The following TMEM132C variants were observed in gnomAD, a reference collection of about 807,000 sequenced individuals.
The protein encoded by TMEM132C is protein phosphatase 1, regulatory subunit 152.
A neutral mutation model predicts 61.4 loss-of-function variants in TMEM132C; 29 were observed. The observed-to-expected ratio is 0.47, with a 90% CI of 0.35 to 0.64. The LOEUF is 0.64. TMEM132C is among the 30% of genes least tolerant of loss of function. The pLI is 0.00. For synonymous variants in TMEM132C, 656 were observed against 633.1 expected, an observed-to-expected ratio of 1.04 and a Z score of -0.54; for missense variants, 1,408 against 1,476.9, an observed-to-expected ratio of 0.95 and a Z score of 0.76.
chr12:128,531,632 ACTTCT>A (rs1464190550), intron 2 of TMEM132C, among the ~76,000 whole-genome samples: 2 of 152,208 alleles, frequency 1.3e-5, no homozygotes, highest in African/African-American at 4.8e-5. Flanking sequence ...CATACACATG[ACTTCT>A]CTTAGGAAGT....
chr12:128,640,517 TG>T (rs1031909826), intron 4 of TMEM132C, among the ~76,000 whole-genome samples: 4 of 152,080 alleles, frequency 2.6e-5, no homozygotes, highest in Admixed American at 6.5e-5. Context: ...GAGTTTCTTT[TG>T]GGGGTGATGA....
chr12:128,498,666 A>G (rs1032227297), intron 2 of TMEM132C, among the ~76,000 whole-genome samples: 1 of 152,114 alleles, frequency 6.6e-6, no homozygotes, highest in African/African-American at 2.4e-5. Context: ...CAGAGACTCC[A>G]TCTCAAAAAG....
chr12:128,546,674 C>G (rs192329937), intron 3 of TMEM132C, among the ~76,000 whole-genome samples: 206 of 152,256 alleles, frequency 1.4e-3, no homozygotes, highest in African/African-American at 4.6e-3. Context: ...GATGGTTAGA[C>G]CCCAGAAATG....
intron 2 of TMEM132C, among the ~76,000 whole-genome samples, chr12:128,521,052 C>A (rs986704265): frequency 6.6e-6 from 1 of 152,082 alleles, no homozygotes; most frequent in African/African-American, 2.4e-5. Context: ...AACTGTCAAG[C>A]CACCCTTCGC....
At position 128,581,881 on chromosome 12, in the gene TMEM132C, G is replaced by A. The variant is rs34740489; in HGVS notation, c.1122-34271G>A. On this transcript the variant is annotated intron_variant, in intron 3 of 8. Transcript: ENST00000435159. Reference sequence around the variant, plus strand: ...AGAAAAGGTTGAGAAAAATTGAGTTGTGTACTGAGGGGGTGCAGGCTGCCA... The same window carrying A: ...AGAAAAGGTTGAGAAAAATTGAGTTATGTACTGAGGGGGTGCAGGCTGCCA... Among the ~76,000 whole-genome samples the A allele has an allele frequency of 5.1e-3, 772 of 152,308 alleles. 1 individual carries two copies. Among genetic ancestry groups the A allele is most frequent in the Non-Finnish European group, 8.8e-3 (600 of 68,014 alleles).
intron 3 of TMEM132C, among the ~76,000 whole-genome samples, chr12:128,585,068 T>C (rs866476792): frequency 6.6e-6 from 1 of 152,224 alleles, no homozygotes; most frequent in Non-Finnish European, 1.5e-5. Flanking sequence ...GGGGCTACAA[T>C]GAATGCATCA....
At chr12:128,418,371 C>T (rs186518706) in intron 2 of TMEM132C, among the ~76,000 whole-genome samples, 16 of 152,242 alleles carry the variant, frequency 1.1e-4, no homozygotes, top group Admixed American at 2.6e-4. Context: ...TTCAGAGTCT[C>T]GGCTTAATTT....
At chr12:128,580,548 G>C (rs780891940) in intron 3 of TMEM132C, among the ~76,000 whole-genome samples, 2 of 152,350 alleles carry the variant, frequency 1.3e-5, no homozygotes, top group East Asian at 3.8e-4. Flanking sequence ...ACGGTCCAAC[G>C]TGGGAAATTG....
At chr12:128,267,706 C>G (rs11059611) in intron 1 of TMEM132C, among the ~76,000 whole-genome samples, 16 of 152,150 alleles carry the variant, frequency 1.1e-4, no homozygotes, top group Admixed American at 6.5e-4. Context: ...GGTCCCGAGT[C>G]CCGAATCTCC....
rs374361469 is a variant in TMEM132C at position 128,368,625 on chromosome 12, C to A, written c.86-46107C>A. ...TGAAGGTGTAAGGTATGCCCAGATGCCCTTGAAGAAGAAATTTCACTTCTG... is the reference window on the plus strand; with the variant it reads ...TGAAGGTGTAAGGTATGCCCAGATGACCTTGAAGAAGAAATTTCACTTCTG... On this transcript the variant is annotated intron_variant, in intron 1 of 8. Transcript: ENST00000435159. Among the ~76,000 whole-genome samples, 48 of 152,290 alleles carry A rather than the reference C, an allele frequency of 3.2e-4. 1 individual carries two copies. The highest frequency in any genetic ancestry group is 1.2e-3 in the African/African-American group (48 of 41,566).
At chr12:128,339,452 G>T (rs1330876087) in intron 1 of TMEM132C, among the ~76,000 whole-genome samples, 1 of 151,978 alleles carries the variant, frequency 6.6e-6, no homozygotes, top group South Asian at 2.1e-4. Context: ...TCAGCACAGC[G>T]TGTTCCTAGG....
At position 128,698,072 on chromosome 12, in the gene TMEM132C, T is replaced by G. The variant is rs12370590; in HGVS notation, c.2121+657T>G. On this transcript the variant is annotated intron_variant, in intron 8 of 8. Transcript: ENST00000435159. Reference sequence around the variant, plus strand: ...TGTTTCTCCTCCATGGGATATAAGCTCTACAAGAGAAGCCCCCTGTTCATC... The same window carrying G: ...TGTTTCTCCTCCATGGGATATAAGCGCTACAAGAGAAGCCCCCTGTTCATC... Among the ~76,000 whole-genome samples, 526 of 152,260 alleles carry G rather than the reference T, an allele frequency of 3.5e-3. 2 individuals are homozygous for G. The highest frequency in any genetic ancestry group is 0.012 in the African/African-American group (507 of 41,558).
chr12:128,544,114 C>A lies in TMEM132C; in HGVS notation c.1121+11C>A. On this transcript the variant is annotated intron_variant, in intron 3 of 8. Transcript: ENST00000435159. ...CAGCCCACGCAACAGGTAAGCGGTG[C>A]CCTCCCTGCAAGCGTGTGTGGTTCC... 3 of 1,516,806 alleles carry A rather than the reference C, an allele frequency of 2.0e-6. No homozygotes were observed. Among genetic ancestry groups the A allele is most frequent in the South Asian group, 2.5e-5 (2 of 78,764 alleles). The allele number at this position is 1,516,806 out of a possible 1,614,324, so 94.0% of individuals were successfully genotyped here. A position where few individuals can be genotyped will look rare whatever the true frequency, so the allele number is the denominator to read the frequency against.
chr12:128,647,649 T>C (rs1954219447), intron 4 of TMEM132C, among the ~76,000 whole-genome samples: 1 of 150,808 alleles, frequency 6.6e-6, no homozygotes, highest in African/African-American at 2.5e-5. Context: ...CCATCAACGT[T>C]AAATATGAGT....
At chr12:128,629,750 G>A (rs529662482) in intron 4 of TMEM132C, among the ~76,000 whole-genome samples, 36 of 152,170 alleles carry the variant, frequency 2.4e-4, no homozygotes, top group African/African-American at 6.3e-4. Context: ...GGTGGATCAC[G>A]AGGTCAGGGG....
chr12:128,541,005 GTCTA>G (rs1565968036), intron 2 of TMEM132C, among the ~76,000 whole-genome samples: 6 of 128,302 alleles, frequency 4.7e-5, no homozygotes, highest in Admixed American at 4.1e-4. Context: ...CTGTCTGTCT[GTCTA>G]TCTTTCTCTC....
chr12:128,639,510 C>T lies in TMEM132C; in HGVS notation c.1305+23175C>T, dbSNP rs184776151. On this transcript the variant is annotated intron_variant, in intron 4 of 8. Coordinates refer to ENST00000435159, the MANE Select transcript of TMEM132C (RefSeq NM_001136103.3). ...GTTTGAGAATAGCCAAAAATCAGATCTGATAAATGAGAAAATTGGAGAAAG... is the reference window on the plus strand; with the variant it reads ...GTTTGAGAATAGCCAAAAATCAGATTTGATAAATGAGAAAATTGGAGAAAG... Among the ~76,000 whole-genome samples the T allele has an allele frequency of 1.9e-4, 29 of 152,194 alleles. No individual in the cohort carries two copies. The East Asian group carries it at 5.4e-3, about 28-fold the overall frequency.
chr12:128,541,676 A>G (rs1340575774), intron 2 of TMEM132C, among the ~76,000 whole-genome samples: 1 of 152,180 alleles, frequency 6.6e-6, no homozygotes, highest in East Asian at 1.9e-4. Context: ...GCTGGTTCAT[A>G]TAAAGGAGGG....
chr12:128,461,671 G>C (rs150590831), intron 2 of TMEM132C, among the ~76,000 whole-genome samples: 1 of 152,256 alleles, frequency 6.6e-6, no homozygotes, highest in South Asian at 2.1e-4. Context: ...TTGTTCACCA[G>C]GTCAGGATCT....
Sources: allele counts gnomAD v4.1 joint callset (sites outside exome capture counted in the v4.1 genomes callset), GRCh38; gene constraint gnomAD v4.1.1; transcripts MANE v1.5; gene names NCBI Gene and HGNC (gene_info 2026-07-23, HGNC 2026-07-21).